Variants in CERKL observed in about 807,000 individuals in gnomAD.
CERKL encodes ceramide kinase-like protein.
In CERKL, 61 loss-of-function variants were observed where a neutral mutation model predicts 63.4. The observed-to-expected ratio is 0.96, with a 90% CI of 0.78 to 1.19. CERKL has a LOEUF of 1.19. Among genes scored for constraint, CERKL ranks in the 50% most tolerant of loss-of-function variants. The pLI is 0.00. For synonymous variants in CERKL, 250 were observed against 230.5 expected (o/e 1.08, Z -0.77); for missense variants, 675 against 655.5 (o/e 1.03, Z -0.33).
Position 181,537,181 on chromosome 2 carries a change from A to G in CERKL, c.*1003T>C. On this transcript the variant is annotated 3_prime_UTR_variant, in exon 13 of 13. Transcript: ENST00000410087. ...TCATTCTTTCAGGAGAACATCTAGG[A>G]TCATAGATGAAAAATCAAGCCCCGA... 2.2e-6 allele frequency: 1 copy of G among 453,862 alleles called. No individual in the cohort carries two copies. The highest frequency in any genetic ancestry group is 4.4e-6 in the Non-Finnish European group (1 of 226,630). 28.1% of individuals were successfully genotyped at this position (453,862 alleles called of 1,614,324 possible). A position where few individuals can be genotyped will look rare whatever the true frequency, so the allele number is the denominator to read the frequency against.
chr2:181,539,573 C>A (rs557392720), intron 11 of CERKL, among the ~76,000 whole-genome samples: 1 of 152,194 alleles, frequency 6.6e-6, no homozygotes, highest in African/African-American at 2.4e-5. Context: ...TAATACTGGC[C>A]TGTAGATACA....
intron 3 of CERKL, among the ~76,000 whole-genome samples, chr2:181,570,321 C>T (rs1020878513): frequency 2.0e-5 from 3 of 152,152 alleles, no homozygotes; most frequent in East Asian, 1.9e-4. Context: ...CATATGGCCT[C>T]GAAAGTTCTT....
At position 181,573,892 on chromosome 2, in the gene CERKL, G is replaced by A. The variant is rs1689015674; in HGVS notation, c.482-8C>T. 5 of 1,611,588 alleles carry A rather than the reference G, an allele frequency of 3.1e-6. No individual in the cohort carries two copies. Among genetic ancestry groups the A allele is most frequent in the Non-Finnish European group, 4.2e-6 (5 of 1,178,820 alleles). ...TCGGTCTGTTTGGAAAGCCTAAGAA[G>A]AAATTTTAAAGACAAAGTTGTAAAG... On this transcript the variant is annotated splice_polypyrimidine_tract_variant and splice_region_variant and intron_variant, in intron 2 of 12. Coordinates refer to ENST00000410087, the MANE Select transcript of CERKL (RefSeq NM_201548.5).
At chr2:181,539,396 G>A in intron 11 of CERKL, 132 bp from the exon 12 acceptor site, 1 of 635,652 alleles carries the variant, frequency 1.6e-6, no homozygotes, top group East Asian at 2.8e-5. Context: ...TTGAGACTAT[G>A]AACAGGGATC....
At chr2:181,574,928 T>C (rs1236570401) in intron 2 of CERKL, among the ~76,000 whole-genome samples, 1 of 152,124 alleles carries the variant, frequency 6.6e-6, no homozygotes, top group South Asian at 2.1e-4. Context: ...GAGGAAGAGA[T>C]AGGGTCATGA....
intron 1 of CERKL, among the ~76,000 whole-genome samples, chr2:181,612,369 T>C (rs998649881): frequency 1.3e-5 from 2 of 152,168 alleles, no homozygotes; most frequent in African/African-American, 4.8e-5. Context: ...ACTATCCCAA[T>C]AAAGATACAG....
intron 1 of CERKL, among the ~76,000 whole-genome samples, chr2:181,629,648 TCA>T (rs1276513814): frequency 1.3e-5 from 2 of 150,422 alleles, no homozygotes; most frequent in African/African-American, 2.4e-5. Context: ...AAAAAAAAAC[TCA>T]GTTATGAATT....
chr2:181,592,584 G>A (rs1229978361), intron 2 of CERKL, among the ~76,000 whole-genome samples: 2 of 152,100 alleles, frequency 1.3e-5, no homozygotes, highest in East Asian at 3.9e-4. Context: ...CAACTAATAT[G>A]CTTCACTGGA....
chr2:181,597,036 G>A (rs1456475976), intron 2 of CERKL, among the ~76,000 whole-genome samples: 1 of 151,770 alleles, frequency 6.6e-6, no homozygotes, highest in African/African-American at 2.4e-5. Flanking sequence ...TTCTCTGCTT[G>A]CTTTATTATG....
rs1296360638 is a variant in CERKL, at chr2:181,558,895, T to A, written c.678-187A>T. On this transcript the variant is annotated intron_variant, in intron 4 of 12. Coordinates refer to ENST00000410087, the MANE Select transcript of CERKL (RefSeq NM_201548.5). The surrounding 1 kb of genome is among the most constrained non-coding windows in gnomAD (Gnocchi z 4.2). ...ACAAACACAACACAGGTAAGTTTAC[T>A]TCACAAATATAATAACTAGATAATT... 6.6e-6 allele frequency among the ~76,000 whole-genome samples: 1 copy of A among 152,204 alleles called. No homozygotes were observed. The highest frequency in any genetic ancestry group is 1.5e-5 in the Non-Finnish European group (1 of 68,040).
intron 12 of CERKL, among the ~76,000 whole-genome samples, 173 bp from the exon 13 acceptor site, chr2:181,538,417 A>G (rs954459205): frequency 7.2e-5 from 11 of 152,178 alleles, no homozygotes; most frequent in African/African-American, 2.7e-4. Flanking sequence ...ATCAACAACA[A>G]TAATTGCTCT....
chr2:181,536,875 T>TGTTA lies in CERKL; in HGVS notation c.*1305_*1308dup, dbSNP rs1687141728. The TGTTA allele has an allele frequency of 2.3e-6, 1 of 438,260 alleles. No homozygotes were observed. The highest frequency in any genetic ancestry group is 2.0e-5 in the African/African-American group (1 of 49,524). The allele number at this position is 438,260 out of a possible 1,614,324, so 27.1% of individuals were successfully genotyped here. A position where few individuals can be genotyped will look rare whatever the true frequency, so the allele number is the denominator to read the frequency against. Reference sequence around the variant, plus strand: ...GAGCTGTGGCCGAATTTTGAACATCTGTTATAGGGAGTGATCAAATTAGAA... The same window carrying TGTTA: ...GAGCTGTGGCCGAATTTTGAACATCTGTTAGTTATAGGGAGTGATCAAATTAGAA... On this transcript the variant is annotated 3_prime_UTR_variant, in exon 13 of 13. Transcript: ENST00000410087.
rs140006039 is a variant in CERKL at position 181,627,783 on chromosome 2, T to C, written c.239-23704A>G. ...ATGGCTGTAAGGAACACTGCATACA[T>C]CACTGTCCTCAGTACTAAAACACTA... On this transcript the variant is annotated intron_variant, in intron 1 of 12. Transcript: ENST00000410087. 9.8e-3 allele frequency among the ~76,000 whole-genome samples: 1,500 copies of C among 152,286 alleles called. 20 individuals are homozygous for C. Among genetic ancestry groups the C allele is most frequent in the African/African-American group, 0.031 (1,301 of 41,554 alleles).
In CERKL at chr2:181,656,838, C is replaced by T. The variant is rs768527069; in HGVS notation, c.169G>A (p.Asp57Asn). Residue 57 changes from aspartate (D) to asparagine (N), a missense_variant, in exon 1 of 13, where the codon GAC becomes AAC. Physicochemically the swap from Asp to Asn is conservative, Grantham distance 23. Coordinates refer to ENST00000410087, the MANE Select transcript of CERKL (RefSeq NM_201548.5). ...LLRGIFEIGR[D>N]SCDVVLSERA... ...TCGCTCAGCACCACGTCACAACTGT[C>T]CCTCCCGATCTCGAAGATGCCCCGG... is the stretch of plus-strand genomic sequence containing the variant. 1 of 1,604,536 alleles carries T rather than the reference C, an allele frequency of 6.2e-7. No homozygotes were observed.
At chr2:181,590,768 A>G (rs926503289) in intron 2 of CERKL, among the ~76,000 whole-genome samples, 8 of 152,224 alleles carry the variant, frequency 5.3e-5, no homozygotes, top group Non-Finnish European at 1.2e-4. Flanking sequence ...AAAAGTACTT[A>G]AAACATACAA....
chr2:181,583,410 A>C (rs1684623254), intron 2 of CERKL, among the ~76,000 whole-genome samples: 1 of 152,222 alleles, frequency 6.6e-6, no homozygotes. Flanking sequence ...AGTCAGAATT[A>C]AGTGCTACCT....
rs200646302 is a variant in CERKL at position 181,537,126 on chromosome 2, A to C, written c.*1058T>G. On this transcript the variant is annotated 3_prime_UTR_variant, in exon 13 of 13. Coordinates refer to ENST00000410087, the MANE Select transcript of CERKL (RefSeq NM_201548.5). ...ACTTTATGACATTTATGTATTTTTA[A>C]AAAACTTTGTATCGTTATAAAAAGG... 1 of 453,008 alleles carries C rather than the reference A, an allele frequency of 2.2e-6. No individual in the cohort carries two copies. Among genetic ancestry groups the C allele is most frequent in the African/African-American group, 2.0e-5 (1 of 49,832 alleles). 28.1% of individuals were successfully genotyped at this position (453,008 alleles called of 1,614,324 possible).
At chr2:181,633,298 T>C (rs1013507626) in intron 1 of CERKL, among the ~76,000 whole-genome samples, 1 of 152,152 alleles carries the variant, frequency 6.6e-6, no homozygotes, top group Non-Finnish European at 1.5e-5. Context: ...GCAGCAAGGA[T>C]GACTGAATGA....
chr2:181,614,935 TATG>T (rs1430166709), intron 1 of CERKL, among the ~76,000 whole-genome samples: 6 of 152,262 alleles, frequency 3.9e-5, no homozygotes, highest in African/African-American at 1.4e-4. Context: ...TTTTGCAAGT[TATG>T]ATAATTAAAT....
Sources: gnomAD v4.1 joint callset for allele counts (sites outside exome capture counted in the v4.1 genomes callset) on GRCh38, gnomAD v4.1.1 for gene constraint, Gnocchi (gnomAD v3.1) non-coding constraint, MANE v1.5 for transcripts, NCBI Gene and HGNC (gene_info 2026-07-23, HGNC 2026-07-21) for gene names.